Variants in LNX1 observed in about 807,000 individuals in gnomAD.
The protein encoded by LNX1 is E3 ubiquitin-protein ligase LNX.
Under a neutral mutation model 68.4 loss-of-function variants are expected in LNX1, and 54 were observed. The ratio of observed to expected loss-of-function variants is 0.79; its 90% CI spans 0.63 to 0.99. The LOEUF (loss-of-function observed/expected upper bound fraction) is 0.99, where lower values mean the gene tolerates loss of function less well. Ranked by LOEUF, LNX1 falls within the 50% of genes least tolerant of loss-of-function variation. The probability of loss-of-function intolerance (pLI) is 0.00; values close to 1 mark genes in which losing one functional copy is unlikely to be tolerated. For synonymous variants in LNX1, 336 were observed against 350.0 expected (o/e 0.96, Z 0.45); for missense variants, 906 against 926.4 (o/e 0.98, Z 0.29).
At chr4:53,649,635 C>T (rs917785327) in intron 1 of LNX1, among the ~76,000 whole-genome samples, 25 of 152,198 alleles carry the variant, frequency 1.6e-4, no homozygotes, top group African/African-American at 5.8e-4. Flanking sequence ...TTCATCCTTC[C>T]TGCACACCAC....
chr4:53,502,362 G>C (rs1393984934), intron 4 of LNX1, among the ~76,000 whole-genome samples: 2 of 152,178 alleles, frequency 1.3e-5, no homozygotes, highest in Admixed American at 1.3e-4. Flanking sequence ...TGGTTTCTCT[G>C]TGGTTATAAG....
chr4:53,620,619 T>C (rs1299835567), upstream of LNX1, among the ~76,000 whole-genome samples: 1 of 152,154 alleles, frequency 6.6e-6, no homozygotes, highest in African/African-American at 2.4e-5. Flanking sequence ...GCTCCACTGA[T>C]GGATGCACTG....
At chr4:53,465,032 T>C (rs1184631226) in intron 9 of LNX1, among the ~76,000 whole-genome samples, 1 of 152,158 alleles carries the variant, frequency 6.6e-6, no homozygotes, top group African/African-American at 2.4e-5. Flanking sequence ...ATAATTGTTA[T>C]CAAGTTACAT....
chr4:53,492,314 C>T (rs1371993988), intron 6 of LNX1, among the ~76,000 whole-genome samples: 1 of 151,990 alleles, frequency 6.6e-6, no homozygotes, highest in Admixed American at 6.6e-5. Context: ...AATGCCAGGC[C>T]TGAGGCAGAA....
At chr4:53,544,751 G>A (rs1728986111) in intron 2 of LNX1, among the ~76,000 whole-genome samples, 2 of 152,214 alleles carry the variant, frequency 1.3e-5, no homozygotes, top group Non-Finnish European at 2.9e-5. Flanking sequence ...GATCAATAAT[G>A]CCCATGCGCC....
intron 1 of LNX1, among the ~76,000 whole-genome samples, chr4:53,642,967 C>G (rs1470595410): frequency 6.6e-6 from 1 of 152,152 alleles, no homozygotes; most frequent in Non-Finnish European, 1.5e-5. Flanking sequence ...TGATTTTGCC[C>G]TCCAGAGGCC....
At chr4:53,498,933 T>A in intron 4 of LNX1, 90 bp from the exon 5 acceptor site, 2 of 917,716 alleles carry the variant, frequency 2.2e-6, no homozygotes, top group Non-Finnish European at 3.5e-6. Flanking sequence ...TCAGCCAAAC[T>A]AAACTATTCA....
At chr4:53,497,961 G>C (rs976207246) in intron 5 of LNX1, among the ~76,000 whole-genome samples, 2 of 152,128 alleles carry the variant, frequency 1.3e-5, no homozygotes, top group African/African-American at 2.4e-5. Flanking sequence ...GGGGTTTCTT[G>C]GCACTTTTGG....
chr4:53,539,756 T>C (rs986008729), intron 2 of LNX1, among the ~76,000 whole-genome samples: 1 of 152,240 alleles, frequency 6.6e-6, no homozygotes, highest in Non-Finnish European at 1.5e-5. Context: ...GGACTGCTGT[T>C]ACCCAAAACC....
At chr4:53,563,222 T>G (rs1434691842) in intron 2 of LNX1, among the ~76,000 whole-genome samples, 2 of 152,006 alleles carry the variant, frequency 1.3e-5, no homozygotes, top group Non-Finnish European at 2.9e-5. Flanking sequence ...TAAATAAAAT[T>G]TAAAACAATT....
chr4:53,564,190 C>T (rs1730482315), intron 2 of LNX1, among the ~76,000 whole-genome samples: 2 of 152,202 alleles, frequency 1.3e-5, no homozygotes, highest in Admixed American at 6.5e-5. Context: ...CTATCTCAGG[C>T]TTCCTTGAGG....
chr4:53,638,197 C>T (rs1387363093), intron 1 of LNX1, among the ~76,000 whole-genome samples: 1 of 152,154 alleles, frequency 6.6e-6, no homozygotes, highest in East Asian at 1.9e-4. Context: ...GATTATTTCT[C>T]TGACTTGGCT....
intron 9 of LNX1, among the ~76,000 whole-genome samples, chr4:53,466,225 T>C (rs1722671481): frequency 6.6e-6 from 1 of 152,242 alleles, no homozygotes; most frequent in Non-Finnish European, 1.5e-5. Flanking sequence ...ATGTCTTGTC[T>C]TGATAAAAAT....
At chr4:53,559,567 C>T (rs529330175) in intron 2 of LNX1, among the ~76,000 whole-genome samples, 1 of 152,306 alleles carries the variant, frequency 6.6e-6, no homozygotes, top group African/African-American at 2.4e-5. Flanking sequence ...TAGTGCTTAA[C>T]TCAGAGTGCT....
At chr4:53,524,551 A>G (rs937662952) in intron 2 of LNX1, among the ~76,000 whole-genome samples, 8 of 152,220 alleles carry the variant, frequency 5.3e-5, no homozygotes, top group Admixed American at 2.0e-4. Context: ...TTCAATTCTA[A>G]CACAACCAGT....
rs758864236 is a variant in LNX1 at position 53,507,355 on chromosome 4, T to G, written c.737A>C (p.Gln246Pro). Residue 246 changes from glutamine to proline, a missense_variant, in exon 4 of 11, where the codon CAG becomes CCG. Gln to Pro is a moderately conservative substitution (Grantham distance 76). Coordinates refer to ENST00000263925, the MANE Select transcript of LNX1 (RefSeq NM_001126328.3). ...GGTGTTTTCAGAATTTTCCCTGCCC[T>G]GGTCGGCATGGTTGGCAACTGCACT... is the stretch of plus-strand genomic sequence containing the variant. ...SGSAVANHAD[Q>P]GRENSENTTA... 3 of 1,614,178 alleles carry G rather than the reference T, an allele frequency of 1.9e-6. No individual in the cohort carries two copies. Among genetic ancestry groups the G allele is most frequent in the Non-Finnish European group, 2.5e-6 (3 of 1,180,020 alleles).
rs1733338897 is a variant in LNX1, at chr4:53,608,937, A to G, written c.-215+7580T>C. 1.3e-5 allele frequency among the ~76,000 whole-genome samples: 2 copies of G among 152,302 alleles called. 1 individual carries two copies. Among genetic ancestry groups the G allele is most frequent in the Admixed American group, 1.3e-4 (2 of 15,292 alleles). Reference sequence around the variant, plus strand: ...TACGTGTGTACACAAAGAAGGGAACAACAGACATCAAGGCCTATGTGAGGG... The same window carrying G: ...TACGTGTGTACACAAAGAAGGGAACGACAGACATCAAGGCCTATGTGAGGG... On this transcript the variant is annotated intron_variant, in intron 2 of 3. Coordinates refer to the LNX1 transcript ENST00000504299.
intron 2 of LNX1, among the ~76,000 whole-genome samples, chr4:53,510,173 C>G (rs1330272611): frequency 3.3e-5 from 5 of 152,190 alleles, no homozygotes; most frequent in Admixed American, 6.5e-5. Context: ...TGCCAAGCAA[C>G]ACAACCAAGG....
intron 9 of LNX1, among the ~76,000 whole-genome samples, chr4:53,472,526 T>C (rs1158200634): frequency 5.3e-5 from 8 of 151,704 alleles, no homozygotes; most frequent in Middle Eastern, 3.2e-3. Flanking sequence ...GGGATCCTAA[T>C]AATAAAAAAC....
Sources: allele counts gnomAD v4.1 joint callset (sites outside exome capture counted in the v4.1 genomes callset), GRCh38; gene constraint gnomAD v4.1.1; transcripts MANE v1.5; gene names NCBI Gene and HGNC (gene_info 2026-07-23, HGNC 2026-07-21).